Variants in LPP observed in about 807,000 individuals in gnomAD.
LPP encodes the protein lipoma-preferred partner.
A neutral mutation model predicts 60.4 loss-of-function variants in LPP; 38 were observed. That is an observed-to-expected ratio of 0.63 (90% CI 0.49 to 0.83). The LOEUF is 0.83. Ranked by LOEUF, LPP falls within the 40% of genes least tolerant of loss-of-function variation. The pLI is 0.00. For missense variants in LPP, 902 were observed against 783.6 expected (o/e 1.15, Z -1.80); for synonymous variants, 328 against 290.8 (o/e 1.13, Z -1.30).
chr3:188,785,517 T>TATATATTCCATC (rs1741429223), intron 9 of LPP, among the ~76,000 whole-genome samples: 2 of 63,606 alleles, frequency 3.1e-5, no homozygotes, highest in South Asian at 7.2e-4. Flanking sequence ...ATCATATATA[T>TATATATTCCATC]ATATATATAT....
intron 6 of LPP, among the ~76,000 whole-genome samples, chr3:188,545,255 T>TA (rs1181781219): frequency 0.042 from 3,500 of 84,110 alleles, 119 homozygotes; most frequent in African/African-American, 0.14. Flanking sequence ...AAAGTATAAT[T>TA]AAAAAAAAAA....
At chr3:188,506,338 T>G (rs975426628) in intron 5 of LPP, among the ~76,000 whole-genome samples, 1 of 152,174 alleles carries the variant, frequency 6.6e-6, no homozygotes, top group Non-Finnish European at 1.5e-5. Flanking sequence ...ATCCAACAAC[T>G]GCTGGTTCAG....
At chr3:188,213,999 C>CACACACAG (rs67423975) in intron 1 of LPP, among the ~76,000 whole-genome samples, 1 of 151,712 alleles carries the variant, frequency 6.6e-6, no homozygotes, top group Non-Finnish European at 1.5e-5. Context: ...CACACACACA[C>CACACACAG]ACTTTTTAAG....
chr3:188,775,330 T>C (rs1737401648), intron 9 of LPP, among the ~76,000 whole-genome samples: 1 of 152,142 alleles, frequency 6.6e-6, no homozygotes. Context: ...GGATTACAGG[T>C]GTGAGCCACC....
intron 8 of LPP, among the ~76,000 whole-genome samples, chr3:188,753,636 T>C (rs1448611792): frequency 2.0e-5 from 3 of 151,828 alleles, no homozygotes; most frequent in Non-Finnish European, 2.9e-5. Flanking sequence ...TGTTTTTTTT[T>C]ACTTTACCTT....
chr3:188,253,812 C>A (rs1394278472), intron 2 of LPP, among the ~76,000 whole-genome samples: 1 of 152,152 alleles, frequency 6.6e-6, no homozygotes, highest in Non-Finnish European at 1.5e-5. Context: ...ACCTGTAATG[C>A]CCCTTCTTCC....
intron 4 of LPP, among the ~76,000 whole-genome samples, chr3:188,423,697 T>C (rs1578784852): frequency 6.6e-6 from 1 of 152,316 alleles, no homozygotes; most frequent in East Asian, 1.9e-4. Context: ...TAATGACCAG[T>C]GATGATGAGG....
chr3:188,741,174 GA>G lies in LPP; in HGVS notation c.1241-18926del, dbSNP rs564780962. On this transcript the variant is annotated intron_variant, in intron 8 of 11. Transcript: ENST00000617246. ...TTTAAACTAAAACCATGAAATTTAT[GA>G]AAAAAAAAAAAAGTAGACCCTTCCT... is the stretch of plus-strand genomic sequence containing the variant. Among the ~76,000 whole-genome samples, 443 of 139,840 alleles carry G rather than the reference GA, an allele frequency of 3.2e-3. 1 individual carries two copies. Among genetic ancestry groups the G allele is most frequent in the Middle Eastern group, 0.011 (3 of 274 alleles). The allele number at this position is 139,840 out of a possible 152,430, so 91.7% of individuals were successfully genotyped here.
At position 188,887,779 on chromosome 3, in the gene LPP, C is replaced by A. The variant is rs975267421; in HGVS notation, c.*13300C>A. The A allele has an allele frequency of 1.2e-4, 25 of 209,164 alleles. No individual in the cohort carries two copies. Among genetic ancestry groups the A allele is most frequent in the African/African-American group, 1.8e-4 (8 of 44,022 alleles). The allele number at this position is 209,164 out of a possible 1,614,324, so 13.0% of individuals were successfully genotyped here. A position where few individuals can be genotyped will look rare whatever the true frequency, so the allele number is the denominator to read the frequency against. Reference sequence around the variant, plus strand: ...GACCCTAGAAACTAAATCTTGTCACCAAGACTTTATAGTAAAGTAGTAGCA... The same window carrying A: ...GACCCTAGAAACTAAATCTTGTCACAAAGACTTTATAGTAAAGTAGTAGCA... On this transcript the variant is annotated 3_prime_UTR_variant, in exon 12 of 12. Transcript: ENST00000617246.
chr3:188,862,808 G>A (rs1388458476), intron 9 of LPP, among the ~76,000 whole-genome samples: 1 of 150,642 alleles, frequency 6.6e-6, no homozygotes, highest in Non-Finnish European at 1.5e-5. Context: ...AAAGAAAAAA[G>A]TGATTTGAAT....
chr3:188,590,828 C>T (rs957415979), intron 6 of LPP, among the ~76,000 whole-genome samples: 2 of 152,132 alleles, frequency 1.3e-5, no homozygotes, highest in African/African-American at 4.8e-5. Context: ...AGCCTGTGAT[C>T]TCTAAGGCCT....
chr3:188,571,958 G>T (rs1440380060), intron 6 of LPP, among the ~76,000 whole-genome samples: 1 of 152,060 alleles, frequency 6.6e-6, no homozygotes, highest in Non-Finnish European at 1.5e-5. Context: ...AGCGGCCATT[G>T]TCTGTACTTG....
chr3:188,508,792 A>G (rs908386080), intron 5 of LPP, among the ~76,000 whole-genome samples: 11 of 152,232 alleles, frequency 7.2e-5, no homozygotes, highest in Admixed American at 3.9e-4. Flanking sequence ...ACATTAGTAA[A>G]GAATTCTTTA....
intron 6 of LPP, among the ~76,000 whole-genome samples, chr3:188,592,893 C>A (rs796188912): frequency 6.1e-4 from 92 of 151,762 alleles, no homozygotes; most frequent in African/African-American, 2.1e-3. Flanking sequence ...CTAGCTCTCT[C>A]AAAAGTCTAA....
chr3:188,850,497 G>A (rs934946108), intron 9 of LPP, among the ~76,000 whole-genome samples: 5 of 151,962 alleles, frequency 3.3e-5, no homozygotes, highest in African/African-American at 7.3e-5. Context: ...TAATTATCTG[G>A]AATAATGAGC....
chr3:188,667,775 G>GT (rs547155537), intron 7 of LPP, among the ~76,000 whole-genome samples: 104 of 145,324 alleles, frequency 7.2e-4, no homozygotes, highest in South Asian at 2.0e-3. Flanking sequence ...AGTTGTTATA[G>GT]TTTTTTTTTT....
At chr3:188,552,725 A>T (rs1243789279) in intron 6 of LPP, among the ~76,000 whole-genome samples, 5 of 152,182 alleles carry the variant, frequency 3.3e-5, no homozygotes. Flanking sequence ...CTCTGACCAC[A>T]GCTGGGAAAG....
chr3:188,616,253 A>G (rs1844831148), intron 7 of LPP, among the ~76,000 whole-genome samples: 2 of 151,988 alleles, frequency 1.3e-5, no homozygotes, highest in Admixed American at 1.3e-4. Flanking sequence ...ATCTTGAGTT[A>G]ATTTTTGTAT....
intron 7 of LPP, among the ~76,000 whole-genome samples, chr3:188,612,359 A>G (rs1269723528): frequency 6.6e-6 from 1 of 152,154 alleles, no homozygotes; most frequent in Non-Finnish European, 1.5e-5. Context: ...TGAGCAAAAC[A>G]CTACTGTATT....
Sources: gnomAD v4.1 joint callset for allele counts (sites outside exome capture counted in the v4.1 genomes callset) on GRCh38, gnomAD v4.1.1 for gene constraint, MANE v1.5 for transcripts, NCBI Gene and HGNC (gene_info 2026-07-23, HGNC 2026-07-21) for gene names.